The following DLGAP2 variants were observed in gnomAD, a reference collection of about 807,000 sequenced individuals.
DLGAP2 encodes the protein disks large-associated protein 2.
A neutral mutation model predicts 100.3 loss-of-function variants in DLGAP2; 26 were observed. The observed-to-expected ratio is 0.26, with a 90% CI of 0.19 to 0.36. DLGAP2 has a LOEUF of 0.36. DLGAP2 is among the 10% of genes least tolerant of loss of function. The pLI is 1.00. For missense variants in DLGAP2, 1,858 were observed against 1,453.2 expected, an observed-to-expected ratio of 1.28 and a Z score of -4.53; for synonymous variants, 886 against 630.1, an observed-to-expected ratio of 1.41 and a Z score of -6.08.
At chr8:1,074,954 C>T (rs1172354968) in intron 2 of DLGAP2, among the ~76,000 whole-genome samples, 1 of 149,700 alleles carries the variant, frequency 6.7e-6, no homozygotes, top group Non-Finnish European at 1.5e-5. Flanking sequence ...CACATCTCAC[C>T]AACAAACAGT....
At chr8:996,296 G>T (rs1176242122) in intron 2 of DLGAP2, among the ~76,000 whole-genome samples, 2 of 152,156 alleles carry the variant, frequency 1.3e-5, no homozygotes, top group Admixed American at 6.5e-5. Flanking sequence ...TTTCTGGGGG[G>T]GTCATTCCTG....
At chr8:1,279,681 G>C (rs1226568949) in intron 3 of DLGAP2, among the ~76,000 whole-genome samples, 1 of 152,202 alleles carries the variant, frequency 6.6e-6, no homozygotes, top group Non-Finnish European at 1.5e-5. Context: ...GGCTGAGTTG[G>C]TGCTGGCTTC....
chr8:1,095,925 G>C (rs2701958), intron 2 of DLGAP2, among the ~76,000 whole-genome samples: 147,097 of 152,290 alleles, frequency 0.97, 71,124 homozygotes, highest in African/African-American at 0.99. Context: ...CAGGCTCTGG[G>C]TGAATTTGAC....
chr8:1,029,594 G>T (rs1347408475), intron 2 of DLGAP2, among the ~76,000 whole-genome samples: 1 of 131,466 alleles, frequency 7.6e-6, no homozygotes, highest in Admixed American at 8.2e-5. Flanking sequence ...GGCGTCCAGT[G>T]GTGCCAACAG....
At chr8:1,304,736 G>C (rs184114699) in intron 3 of DLGAP2, among the ~76,000 whole-genome samples, 3 of 152,142 alleles carry the variant, frequency 2.0e-5, no homozygotes, top group Non-Finnish European at 4.4e-5. Flanking sequence ...GTAATTTATC[G>C]AAAGCTAAGT....
chr8:1,314,951 C>T (rs1272721276), intron 3 of DLGAP2, among the ~76,000 whole-genome samples: 4 of 152,224 alleles, frequency 2.6e-5, no homozygotes, highest in Non-Finnish European at 1.5e-5. Flanking sequence ...GCGCAAGATG[C>T]CCTCTGAAAG....
At chr8:1,281,954 CA>C in intron 3 of DLGAP2, among the ~76,000 whole-genome samples, 2 of 150,080 alleles carry the variant, frequency 1.3e-5, no homozygotes, top group South Asian at 4.2e-4. Context: ...ACCAGGGCCG[CA>C]AACCATCTGG....
chr8:1,148,905 A>T (rs1796650696), intron 2 of DLGAP2, among the ~76,000 whole-genome samples: 1 of 152,112 alleles, frequency 6.6e-6, no homozygotes, highest in African/African-American at 2.4e-5. Flanking sequence ...TTTATTTCTG[A>T]CTTCAGTGGT....
At position 789,275 on chromosome 8, in the gene DLGAP2, C is replaced by G. The variant is rs537793131; in HGVS notation, c.18+51450C>G. 2.0e-5 allele frequency among the ~76,000 whole-genome samples: 3 copies of G among 152,300 alleles called. No homozygotes were observed. In the South Asian group the frequency reaches 6.2e-4, roughly 32 times the overall value. On this transcript the variant is annotated intron_variant, in intron 1 of 14. Coordinates refer to ENST00000637795, the MANE Select transcript of DLGAP2 (RefSeq NM_001346810.2). ...TCCTCAGGATTTGCGGGAAGCATGG[C>G]TGGGAGGCCTCAGGAAACTTACAAC...
chr8:1,440,606 T>C (rs1797802128), intron 3 of DLGAP2, among the ~76,000 whole-genome samples: 1 of 152,240 alleles, frequency 6.6e-6, no homozygotes, highest in African/African-American at 2.4e-5. Flanking sequence ...GCAGAAATTT[T>C]AGAAGACTCA....
chr8:1,544,773 G>A (rs910117025), intron 4 of DLGAP2, among the ~76,000 whole-genome samples: 10 of 148,692 alleles, frequency 6.7e-5, no homozygotes, highest in East Asian at 2.0e-4. Context: ...CACTTTTGTC[G>A]CCAGGCTGGA....
At chr8:799,065 G>T (rs1796095154) in intron 1 of DLGAP2, among the ~76,000 whole-genome samples, 1 of 152,224 alleles carries the variant, frequency 6.6e-6, no homozygotes. Flanking sequence ...TGTCGGTCCT[G>T]TGCCCTCCCT....
intron 6 of DLGAP2, among the ~76,000 whole-genome samples, chr8:1,626,518 T>TGGCCTGTGGCGGGTGCTC (rs1563265328): frequency 1.3e-5 from 2 of 149,628 alleles, no homozygotes; most frequent in African/African-American, 2.5e-5. Flanking sequence ...TTCCCATCTC[T>TGGCCTGTGGCGGGTGCTC]ACCCTGCAGC....
At chr8:1,220,877 C>G (rs1798302143) in intron 2 of DLGAP2, among the ~76,000 whole-genome samples, 1 of 152,016 alleles carries the variant, frequency 6.6e-6, no homozygotes, top group South Asian at 2.1e-4. Flanking sequence ...CCTTTTTGAT[C>G]ATTGTTGGTT....
chr8:923,306 C>G (rs1798751306), intron 2 of DLGAP2, among the ~76,000 whole-genome samples: 1 of 152,168 alleles, frequency 6.6e-6, no homozygotes, highest in Non-Finnish European at 1.5e-5. Context: ...GGCAGATAAG[C>G]TTTCTCTCCT....
At chr8:1,658,889 AT>A (rs1798346330) in intron 8 of DLGAP2, among the ~76,000 whole-genome samples, 1 of 151,626 alleles carries the variant, frequency 6.6e-6, no homozygotes, top group South Asian at 2.1e-4. Context: ...AGTTTGTTTG[AT>A]CTTGCTACTC....
intron 7 of DLGAP2, among the ~76,000 whole-genome samples, chr8:1,632,332 G>A (rs1251680648): frequency 6.6e-6 from 1 of 152,172 alleles, no homozygotes; most frequent in Non-Finnish European, 1.5e-5. Context: ...CATGGCAATG[G>A]GTAGAAGCAG....
At position 1,065,923 on chromosome 8, in the gene DLGAP2, C is replaced by CCTGACTTGAGTGT. The variant is rs1345397987; in HGVS notation, c.73+157959_73+157971dup. 2.6e-5 allele frequency among the ~76,000 whole-genome samples: 4 copies of CCTGACTTGAGTGT among 152,332 alleles called. No homozygotes were observed. The East Asian group carries it at 7.7e-4, about 29-fold the overall frequency. ...TGGTCTGTGGGGAGAATGCTCTGGGCCTGACTTGAGTGTCAGGAGCCCTCA... is the reference window on the plus strand; with the variant it reads ...TGGTCTGTGGGGAGAATGCTCTGGGCCTGACTTGAGTGTCTGACTTGAGTGTCAGGAGCCCTCA... On this transcript the variant is annotated intron_variant, in intron 2 of 14. Transcript: ENST00000637795.
Position 945,854 on chromosome 8 carries a change from G to A in DLGAP2, c.73+37888G>A, listed in dbSNP as rs547944047. Among the ~76,000 whole-genome samples, 3 of 151,644 alleles carry A rather than the reference G, an allele frequency of 2.0e-5. No individual in the cohort carries two copies. In the South Asian group the frequency reaches 6.3e-4, roughly 32 times the overall value. On this transcript the variant is annotated intron_variant, in intron 2 of 14. Transcript: ENST00000637795. The stretch of plus-strand genomic sequence containing the variant: ...CCTCTCTCTCTGCGTGTGTCTCTTT[G>A]CCTACATTAATGTTGTTTTGTCTGA...
Sources: allele counts gnomAD v4.1 joint callset (sites outside exome capture counted in the v4.1 genomes callset), GRCh38; gene constraint gnomAD v4.1.1; transcripts MANE v1.5; gene names NCBI Gene and HGNC (gene_info 2026-07-23, HGNC 2026-07-21).